MSTO1: variants seen among roughly 807,000 people sequenced by gnomAD.
The protein encoded by MSTO1 is misato mitochondrial distribution and morphology regulator 1.
Under a neutral mutation model 55.7 loss-of-function variants are expected in MSTO1, and 24 were observed. That is an observed-to-expected ratio of 0.43 (90% CI 0.31 to 0.61). The LOEUF (loss-of-function observed/expected upper bound fraction) is 0.61. Ranked by LOEUF, MSTO1 falls within the 20% of genes least tolerant of loss-of-function variation. MSTO1 has a pLI of 0.09. For synonymous variants in MSTO1, 162 were observed against 252.8 expected, an observed-to-expected ratio of 0.64 and a Z score of 3.41; for missense variants, 363 against 625.7, an observed-to-expected ratio of 0.58 and a Z score of 4.48.
chr1:155,577,730 A>T, the MSTO1 span, among the ~76,000 whole-genome samples: 1 of 152,164 alleles, frequency 6.6e-6, no homozygotes, highest in African/African-American at 2.4e-5. Flanking sequence ...TTTCCATATG[A>T]ATTTTGAGAT....
At chr1:155,590,631 G>A in the MSTO1 span, 4 of 1,392,594 alleles carry the variant, frequency 2.9e-6, no homozygotes, top group South Asian at 4.2e-5. Context: ...GGTACTCAGA[G>A]GTCCCCCGAG....
chr1:155,597,447 C>A, the MSTO1 span, among the ~76,000 whole-genome samples: 3 of 151,670 alleles, frequency 2.0e-5, no homozygotes, highest in Middle Eastern at 3.4e-3. Flanking sequence ...CCAGCCTGGG[C>A]AACAAGAGGG....
chr1:155,588,702 A>G, the MSTO1 span, among the ~76,000 whole-genome samples: 2 of 152,140 alleles, frequency 1.3e-5, no homozygotes, highest in Non-Finnish European at 2.9e-5. Flanking sequence ...CTATTTCAGT[A>G]TGGTGCTCTT....
chr1:155,590,369 AT>A, the MSTO1 span, among the ~76,000 whole-genome samples: 2 of 152,128 alleles, frequency 1.3e-5, no homozygotes, highest in African/African-American at 2.4e-5. Context: ...AAGATCCAGA[AT>A]CTCAAAGCAT....
chr1:155,602,593 T>C, the MSTO1 span, among the ~76,000 whole-genome samples: 1 of 152,212 alleles, frequency 6.6e-6, no homozygotes, highest in Non-Finnish European at 1.5e-5. Context: ...CTGTCCTCCT[T>C]GTGCCCTGGG....
At chr1:155,612,387 T>G in intron 8 of MSTO1, 31 bp from the exon 9 acceptor site, 3 of 1,591,188 alleles carry the variant, frequency 1.9e-6, no homozygotes, top group Non-Finnish European at 2.6e-6. Flanking sequence ...GTGGGAGAGC[T>G]GCTTAATACA....
At position 155,614,145 on chromosome 1, in the gene MSTO1, A is replaced by G; in HGVS notation, c.1585A>G (p.Lys529Glu). 2.0e-6 allele frequency: 3 copies of G among 1,475,222 alleles called. No individual in the cohort carries two copies. The highest frequency in any genetic ancestry group is 2.8e-6 in the Non-Finnish European group (3 of 1,075,014). 91.4% of individuals were successfully genotyped at this position (1,475,222 alleles called of 1,614,324 possible). The change falls in exon 14 of 14, where the codon AAA becomes GAA. Residue 529 changes from lysine to glutamate, a missense_variant. This residue lies in a region of MSTO1 where 38 missense variants were observed against 126.4 expected (regional missense o/e 0.30). Transcript: ENST00000245564. ...GGAAGCCTTGGCCAGAGACCTCACCAAACTCGACTTGCGGCGCTGGGCCAG... is the reference window on the plus strand; with the variant it reads ...GGAAGCCTTGGCCAGAGACCTCACCGAACTCGACTTGCGGCGCTGGGCCAG... The part of the protein sequence containing the change: ...TLEALARDLT[K>E]LDLRRWASFM...
At chr1:155,579,619 A>G in the MSTO1 span, among the ~76,000 whole-genome samples, 1 of 152,132 alleles carries the variant, frequency 6.6e-6, no homozygotes, top group South Asian at 2.1e-4. Flanking sequence ...ATCTATCCAT[A>G]CTTATTTTCA....
chr1:155,593,967 T>TAA, the MSTO1 span, among the ~76,000 whole-genome samples: 10 of 138,706 alleles, frequency 7.2e-5, no homozygotes, highest in African/African-American at 2.6e-4. Flanking sequence ...AGACTCCGTC[T>TAA]AAAAAAAAAA....
At chr1:155,563,449 G>A in the MSTO1 span, 1 of 456,712 alleles carries the variant, frequency 2.2e-6, no homozygotes, top group Middle Eastern at 3.3e-4. Flanking sequence ...GATTCCTCCC[G>A]GGCGTTGAGT....
the MSTO1 span, among the ~76,000 whole-genome samples, chr1:155,570,409 C>G: frequency 6.6e-6 from 1 of 152,194 alleles, no homozygotes; most frequent in Non-Finnish European, 1.5e-5. Flanking sequence ...ATTGGTCAGT[C>G]ATTGACATCA....
At chr1:155,610,023 GC>G, upstream of MSTO1, 1 of 566,948 alleles carries the variant, frequency 1.8e-6, no homozygotes, top group Non-Finnish European at 3.1e-6. Context: ...CAACGGCGTG[GC>G]CCGTGGAGCC....
chr1:155,564,986 T>A, the MSTO1 span, among the ~76,000 whole-genome samples: 3 of 151,834 alleles, frequency 2.0e-5, no homozygotes, highest in African/African-American at 7.3e-5. Context: ...CCGGGCGTGG[T>A]GGTGGGCGCC....
the MSTO1 span, chr1:155,590,888 C>A: frequency 1.2e-6 from 2 of 1,612,388 alleles, no homozygotes; most frequent in Non-Finnish European, 1.7e-6. Context: ...CCTGAGGTGA[C>A]AAAGACAATC....
chr1:155,581,947 C>A, the MSTO1 span, among the ~76,000 whole-genome samples: 2 of 150,864 alleles, frequency 1.3e-5, no homozygotes, highest in Non-Finnish European at 1.5e-5. Context: ...GTGTGCACCA[C>A]CATGTCTGGC....
upstream of MSTO1, among the ~76,000 whole-genome samples, chr1:155,609,526 G>C (rs914896998): frequency 6.6e-6 from 1 of 152,096 alleles, no homozygotes; most frequent in Non-Finnish European, 1.5e-5. Context: ...GGGATTACAG[G>C]CGTGAACCAC....
At chr1:155,581,216 C>T in the MSTO1 span, among the ~76,000 whole-genome samples, 1 of 152,020 alleles carries the variant, frequency 6.6e-6, no homozygotes, top group African/African-American at 2.4e-5. Context: ...CCTTATACCT[C>T]GGCCTCCCAA....
At chr1:155,600,898 G>C in the MSTO1 span, among the ~76,000 whole-genome samples, 8 of 150,702 alleles carry the variant, frequency 5.3e-5, no homozygotes, top group Non-Finnish European at 8.8e-5. Context: ...GTATGGTCTC[G>C]ATCTCCTGAT....
At chr1:155,594,130 G>A in the MSTO1 span, among the ~76,000 whole-genome samples, 1 of 152,026 alleles carries the variant, frequency 6.6e-6, no homozygotes, top group Non-Finnish European at 1.5e-5. Context: ...GGCCAGGTGC[G>A]GTGGCTCACA....
Sources: allele counts gnomAD v4.1 joint callset (sites outside exome capture counted in the v4.1 genomes callset), GRCh38; gene constraint gnomAD v4.1.1; regional missense constraint gnomAD v4.1.1; transcripts MANE v1.5; gene names NCBI Gene and HGNC (gene_info 2026-07-23, HGNC 2026-07-21).